MYO7B: variants seen among roughly 807,000 people sequenced by gnomAD.
MYO7B encodes unconventional myosin-VIIb.
MYO7B carries 212 observed loss-of-function variants against 259.7 expected under a neutral mutation model. The observed-to-expected ratio is 0.82, with a 90% CI of 0.73 to 0.91. MYO7B has a LOEUF of 0.91. Ranked by LOEUF, MYO7B falls within the 40% of genes least tolerant of loss-of-function variation. The probability of loss-of-function intolerance (pLI) is 0.00; values close to 1 mark genes in which losing one functional copy is unlikely to be tolerated. For synonymous variants in MYO7B, 1,197 were observed against 1,166.4 expected (o/e 1.03, Z -0.54); for missense variants, 2,732 against 2,813.5 (o/e 0.97, Z 0.66).
At position 127,626,962 on chromosome 2, in the gene MYO7B, G is replaced by A. The variant is rs1215690745; in HGVS notation, c.4216-13G>A. ...GGCAGGTGACGGAGGTGACATCCAGGATCCCCCCTCAGGCCCCATACACTC... is the reference window on the plus strand; with the variant it reads ...GGCAGGTGACGGAGGTGACATCCAGAATCCCCCCTCAGGCCCCATACACTC... On this transcript the variant is annotated splice_polypyrimidine_tract_variant and intron_variant, in intron 31 of 47. Transcript: ENST00000409816. 1.2e-6 allele frequency: 2 copies of A among 1,603,566 alleles called. No individual in the cohort carries two copies. Among genetic ancestry groups the A allele is most frequent in the African/African-American group, 1.3e-5 (1 of 74,866 alleles).
rs373309970 is a variant in MYO7B, at chr2:127,592,769, G to A, written c.1993-25G>A. On this transcript the variant is annotated intron_variant, in intron 16 of 47. Coordinates refer to ENST00000409816, the MANE Select transcript of MYO7B (RefSeq NM_001393586.1). ...GGCTGGAAAGTGGGGCTTGCGCTGG[G>A]TCAGCGCCCGGTGTCCGCCCACAGC... The A allele has an allele frequency of 3.8e-4, 601 of 1,598,576 alleles. 1 individual carries two copies. The highest frequency in any genetic ancestry group is 6.1e-4 in the South Asian group (54 of 88,622).
intron 24 of MYO7B, among the ~76,000 whole-genome samples, chr2:127,610,735 C>T (rs986398070): frequency 3.9e-5 from 6 of 152,226 alleles, no homozygotes; most frequent in African/African-American, 1.4e-4. Flanking sequence ...CCAGCTGGGA[C>T]TTAGCTCAAT....
At chr2:127,572,715 A>G (rs1678699488) in intron 6 of MYO7B, among the ~76,000 whole-genome samples, 1 of 152,082 alleles carries the variant, frequency 6.6e-6, no homozygotes, top group African/African-American at 2.4e-5. Flanking sequence ...AAATCAACTG[A>G]CCATCCATGT....
At chr2:127,565,129 C>A (rs1287543796) in intron 3 of MYO7B, 104 bp from the exon 4 acceptor site, 2 of 1,431,332 alleles carry the variant, frequency 1.4e-6, no homozygotes, top group East Asian at 5.0e-5. Flanking sequence ...TGATCCATGA[C>A]CCGGAAGGTC....
At chr2:127,602,804 G>T (rs1680013430) in intron 19 of MYO7B, among the ~76,000 whole-genome samples, 1 of 152,104 alleles carries the variant, frequency 6.6e-6, no homozygotes, top group African/African-American at 2.4e-5. Flanking sequence ...TTCAAGACCA[G>T]CCTGAGCAAC....
intron 1 of MYO7B, among the ~76,000 whole-genome samples, chr2:127,551,725 A>G (rs946652968): frequency 2.0e-5 from 3 of 152,174 alleles, no homozygotes; most frequent in African/African-American, 7.2e-5. Context: ...CTGGGCAGTC[A>G]TCTAAGTCTG....
intron 4 of MYO7B, among the ~76,000 whole-genome samples, chr2:127,565,800 G>A (rs1678313733): frequency 6.6e-6 from 1 of 152,252 alleles, no homozygotes; most frequent in Admixed American, 6.5e-5. Flanking sequence ...CCATGGGGAT[G>A]GATGTGGGCC....
At chr2:127,635,650 G>T in intron 43 of MYO7B, 72 bp from the exon 44 acceptor site, 1 of 1,467,268 alleles carries the variant, frequency 6.8e-7, no homozygotes, top group South Asian at 1.3e-5. Context: ...CCCACCATCT[G>T]AGCGGGAAAG....
At chr2:127,582,143 G>A (rs1353501474) in intron 11 of MYO7B, 133 bp downstream of exon 11, 4 of 1,484,218 alleles carry the variant, frequency 2.7e-6, no homozygotes, top group Non-Finnish European at 3.6e-6. Context: ...CCTGCCTGGT[G>A]ACCATGGACT....
At chr2:127,570,160 T>C (rs911040664) in intron 6 of MYO7B, among the ~76,000 whole-genome samples, 1 of 151,990 alleles carries the variant, frequency 6.6e-6, no homozygotes, top group African/African-American at 2.4e-5. Context: ...ATATTCTTTT[T>C]AAAAAGGCAT....
chr2:127,602,208 A>G (rs774909878), intron 19 of MYO7B, among the ~76,000 whole-genome samples: 1 of 152,232 alleles, frequency 6.6e-6, no homozygotes, highest in African/African-American at 2.4e-5. Flanking sequence ...CACTATACAC[A>G]TACACACAGA....
chr2:127,603,481 T>C (rs1280338475), intron 19 of MYO7B, among the ~76,000 whole-genome samples: 1 of 152,246 alleles, frequency 6.6e-6, no homozygotes, highest in African/African-American at 2.4e-5. Flanking sequence ...GGGTGAATTG[T>C]CAATGAGCAG....
At chr2:127,565,428 G>T in intron 4 of MYO7B, 43 bp downstream of exon 4, 1 of 1,605,180 alleles carries the variant, frequency 6.2e-7, no homozygotes, top group East Asian at 2.2e-5. Flanking sequence ...GCCCCTCACA[G>T]GTGCCAACCT....
At position 127,614,603 on chromosome 2, in the gene MYO7B, G is replaced by C. The variant is rs1463041723; in HGVS notation, c.3398+2000G>C. Among the ~76,000 whole-genome samples the C allele has an allele frequency of 6.6e-6, 1 of 152,122 alleles. No individual in the cohort carries two copies. The highest frequency in any genetic ancestry group is 1.5e-5 in the Non-Finnish European group (1 of 68,028). Reference sequence around the variant, plus strand: ...GCTCTATTCTAGTACCCTGGGAGGTGGCAAATGGGCTTCTGGAGCTCAGCA... The same window carrying C: ...GCTCTATTCTAGTACCCTGGGAGGTCGCAAATGGGCTTCTGGAGCTCAGCA... On this transcript the variant is annotated intron_variant, in intron 26 of 47. Coordinates refer to ENST00000409816, the MANE Select transcript of MYO7B (RefSeq NM_001393586.1). This position sits in a 1 kb window ranked among gnomAD's most constrained non-coding sequence, Gnocchi z 4.6.
intron 1 of MYO7B, among the ~76,000 whole-genome samples, chr2:127,552,479 G>A (rs1202451639): frequency 1.3e-5 from 2 of 152,172 alleles, no homozygotes; most frequent in Non-Finnish European, 2.9e-5. Flanking sequence ...CTTCTGAAGC[G>A]GAGCAGTTCT....
chr2:127,551,871 A>C (rs1231968666), intron 1 of MYO7B, among the ~76,000 whole-genome samples: 1 of 152,144 alleles, frequency 6.6e-6, no homozygotes, highest in African/African-American at 2.4e-5. Context: ...TTTGGCAGAA[A>C]CAGCTGACTG....
chr2:127,572,436 T>G (rs1678680648), intron 6 of MYO7B, among the ~76,000 whole-genome samples: 1 of 136,956 alleles, frequency 7.3e-6, no homozygotes, highest in Non-Finnish European at 1.6e-5. Flanking sequence ...AAAAAAGACT[T>G]TTCTGTCTTT....
Position 127,586,623 on chromosome 2 carries a change from G to A in MYO7B, c.1690+1710G>A, listed in dbSNP as rs1200842842. On this transcript the variant is annotated intron_variant, in intron 14 of 47. Coordinates refer to ENST00000409816, the MANE Select transcript of MYO7B (RefSeq NM_001393586.1). The surrounding 1 kb of genome is among the most constrained non-coding windows in gnomAD (Gnocchi z 4.8). ...GGTCCTGGGACGCAAAGAAGATACC[G>A]AGCCCATCCTCCATGGGGCAATTCA... 1.3e-5 allele frequency among the ~76,000 whole-genome samples: 2 copies of A among 152,168 alleles called. No individual in the cohort carries two copies. Among genetic ancestry groups the A allele is most frequent in the African/African-American group, 2.4e-5 (1 of 41,432 alleles).
chr2:127,621,979 C>G lies in MYO7B; in HGVS notation c.3526-3C>G, dbSNP rs2105079921. 6.4e-7 allele frequency: 1 copy of G among 1,551,752 alleles called. No homozygotes were observed. Among genetic ancestry groups the G allele is most frequent in the Middle Eastern group, 1.7e-4 (1 of 5,992 alleles). ...CCTCCCTTCTCCCCTCCTCACCCACCAGTATCTACTGAACTTCATCGGCCA... is the reference window on the plus strand; with the variant it reads ...CCTCCCTTCTCCCCTCCTCACCCACGAGTATCTACTGAACTTCATCGGCCA... On this transcript the variant is annotated splice_polypyrimidine_tract_variant and splice_region_variant and intron_variant, in intron 27 of 47. Coordinates refer to ENST00000409816, the MANE Select transcript of MYO7B (RefSeq NM_001393586.1).
Sources: gnomAD v4.1 joint callset for allele counts (sites outside exome capture counted in the v4.1 genomes callset) on GRCh38, gnomAD v4.1.1 for gene constraint, Gnocchi (gnomAD v3.1) non-coding constraint, MANE v1.5 for transcripts, NCBI Gene and HGNC (gene_info 2026-07-23, HGNC 2026-07-21) for gene names.